SLC47A2: variants seen among roughly 807,000 people sequenced by gnomAD.
SLC47A2 encodes solute carrier family 47 member 2.
SLC47A2 carries 52 observed loss-of-function variants against 67.7 expected under a neutral mutation model. That is an observed-to-expected ratio of 0.77 (90% CI 0.61 to 0.97). The LOEUF (loss-of-function observed/expected upper bound fraction) is 0.97, where lower values mean the gene tolerates loss of function less well. SLC47A2 is among the 50% of genes least tolerant of loss of function. SLC47A2 has a pLI of 0.00. For synonymous variants in SLC47A2, 278 were observed against 292.9 expected (o/e 0.95, Z 0.52); for missense variants, 676 against 712.3 (o/e 0.95, Z 0.58).
chr17:19,696,457 T>A (rs942259065), intron 13 of SLC47A2, among the ~76,000 whole-genome samples: 944 of 88,290 alleles, frequency 0.011, 16 homozygotes, highest in African/African-American at 0.035. Context: ...CAAGACTCCA[T>A]CTCAAAAAAA....
intron 2 of SLC47A2, 132 bp from the exon 3 acceptor site, chr17:19,714,921 C>T (rs1218040493): frequency 1.5e-6 from 2 of 1,375,920 alleles, no homozygotes; most frequent in Middle Eastern, 1.8e-4. Flanking sequence ...GCTCAGCAGC[C>T]TCATGTGCTG....
chr17:19,698,678 G>A (rs1335287973), intron 13 of SLC47A2, among the ~76,000 whole-genome samples: 1 of 152,006 alleles, frequency 6.6e-6, no homozygotes, highest in African/African-American at 2.4e-5. Flanking sequence ...TTATGTCAGG[G>A]TTGATTAAAA....
chr17:19,709,073 T>C (rs2086027575), intron 5 of SLC47A2, among the ~76,000 whole-genome samples: 1 of 152,238 alleles, frequency 6.6e-6, no homozygotes, highest in Admixed American at 6.5e-5. Flanking sequence ...GCCTTCCGGC[T>C]GCTAAGCCAG....
chr17:19,691,714 AATTT>A (rs1473919675), intron 13 of SLC47A2, among the ~76,000 whole-genome samples: 3 of 152,236 alleles, frequency 2.0e-5, no homozygotes, highest in Non-Finnish European at 2.9e-5. Flanking sequence ...AGGCAACAAT[AATTT>A]ATTATACATT....
intron 5 of SLC47A2, among the ~76,000 whole-genome samples, chr17:19,709,103 G>A (rs951023628): frequency 6.6e-6 from 1 of 152,240 alleles, no homozygotes; most frequent in African/African-American, 2.4e-5. Flanking sequence ...AGCTTAGGAA[G>A]GTGAGAAGTG....
At chr17:19,682,265 C>T (rs891404259) in intron 13 of SLC47A2, among the ~76,000 whole-genome samples, 1 of 151,150 alleles carries the variant, frequency 6.6e-6, no homozygotes, top group African/African-American at 2.4e-5. Context: ...GGCTAAGGCA[C>T]GAGAATTGCT....
Position 19,708,317 on chromosome 17 carries a change from A to G in SLC47A2, c.614T>C (p.Leu205Pro). ...GVANYALVSV[L>P]NLGVRGSAYA... Reference sequence around the variant, plus strand: ...CCGGGCTCACCTGACCCCCAGGTTCAGCACAGAAACCAGGGCATAGTTGGC... The same window carrying G: ...CCGGGCTCACCTGACCCCCAGGTTCGGCACAGAAACCAGGGCATAGTTGGC... The change falls in exon 7 of 17, where the codon CTG (leucine) becomes CCG (proline). Residue 205 changes from leucine (L) to proline (P), a missense_variant. By Grantham distance (98) the Leu-to-Pro change is moderately conservative (BLOSUM62 -3). Transcript: ENST00000433844. The G allele has an allele frequency of 1.2e-6, 2 of 1,613,104 alleles. No homozygotes were observed. The highest frequency in any genetic ancestry group is 1.7e-6 in the Non-Finnish European group (2 of 1,180,008).
rs752670252 is a variant in SLC47A2, at chr17:19,678,775, G to C, written c.1612C>G (p.Leu538Val). 5 of 1,614,124 alleles carry C rather than the reference G, an allele frequency of 3.1e-6. No homozygotes were observed. The African/African-American group carries it at 6.7e-5, about 22-fold the overall frequency. The change falls in exon 17 of 17, where the codon CTG becomes GTG. Residue 538 changes from leucine to valine, a missense_variant. Leu to Val is a conservative substitution (Grantham distance 32). Transcript: ENST00000433844. ...AGAGCAGCCCCACGGCGGATGACCAGCTGTTTCACTGATAGTCTGCTGGTA... is the reference window on the plus strand; with the variant it reads ...AGAGCAGCCCCACGGCGGATGACCACCTGTTTCACTGATAGTCTGCTGGTA... ...APTSRLSVKQ[L>V]VIRRGAALGA...
chr17:19,678,830 A>G lies in SLC47A2; in HGVS notation c.1557T>C (p.Thr519=), dbSNP rs1046104797. 4 of 1,613,554 alleles carry G rather than the reference A, an allele frequency of 2.5e-6. No homozygotes were observed. Among genetic ancestry groups the G allele is most frequent in the Non-Finnish European group, 2.5e-6 (3 of 1,179,758 alleles). Residue 519 remains threonine, a synonymous_variant, in exon 17 of 17, where the codon ACT becomes ACC. Transcript: ENST00000433844. ...CTGAAAGGGCGTGGGCCTCCTCTGGAGTCCTGAAGAAGTCCACGTGGCACT... is the reference window on the plus strand; with the variant it reads ...CTGAAAGGGCGTGGGCCTCCTCTGGGGTCCTGAAGAAGTCCACGTGGCACT... ...RSECHVDFFR[T]PEEAHALSAP...
At chr17:19,688,866 CT>C (rs561794495) in intron 13 of SLC47A2, among the ~76,000 whole-genome samples, 2,840 of 137,874 alleles carry the variant, frequency 0.021, 57 homozygotes, top group African/African-American at 0.056. Flanking sequence ...CTGGTGATAT[CT>C]TTTTTTTTTT....
At position 19,685,308 on chromosome 17, in the gene SLC47A2, G is replaced by A. The variant is rs1017143618; in HGVS notation, c.1165-3638C>T. On this transcript the variant is annotated intron_variant, in intron 13 of 16. Transcript: ENST00000433844. This position sits in a 1 kb window ranked among gnomAD's most constrained non-coding sequence, Gnocchi z 4.5. ...CAGCGTCTCTGCTTGGCTGCCCATCGTCTGGGATGTGAGGAGCCCCTGTGC... is the reference window on the plus strand; with the variant it reads ...CAGCGTCTCTGCTTGGCTGCCCATCATCTGGGATGTGAGGAGCCCCTGTGC... Among the ~76,000 whole-genome samples the A allele has an allele frequency of 5.3e-5, 8 of 151,924 alleles. No individual in the cohort carries two copies. Among genetic ancestry groups the A allele is most frequent in the African/African-American group, 1.2e-4 (5 of 41,452 alleles).
intron 5 of SLC47A2, among the ~76,000 whole-genome samples, chr17:19,711,870 T>A (rs2086110587): frequency 6.6e-6 from 1 of 152,154 alleles, no homozygotes; most frequent in African/African-American, 2.4e-5. Context: ...ATCTTATTTA[T>A]AATAGTTCGT....
intron 5 of SLC47A2, among the ~76,000 whole-genome samples, 175 bp downstream of exon 5, chr17:19,712,528 T>C (rs1266136713): frequency 3.3e-5 from 5 of 152,228 alleles, no homozygotes; most frequent in Non-Finnish European, 5.9e-5. Flanking sequence ...CATGTTATAC[T>C]ATTTTTTTTA....
rs1339933748 is a variant in SLC47A2, at chr17:19,678,565, T to G, written c.*121A>C. On this transcript the variant is annotated 3_prime_UTR_variant, in exon 17 of 17. Transcript: ENST00000433844. ...AAGGAATCAGCCAAAGTTCTTTTTT[T>G]GAGGAGTGGTTCAAAGTGTCCACCT... 2 of 1,016,292 alleles carry G rather than the reference T, an allele frequency of 2.0e-6. No homozygotes were observed. The highest frequency in any genetic ancestry group is 3.2e-5 in the African/African-American group (2 of 62,276). The allele number at this position is 1,016,292 out of a possible 1,614,324, so 63.0% of individuals were successfully genotyped here. A position where few individuals can be genotyped will look rare whatever the true frequency, so the allele number is the denominator to read the frequency against.
At chr17:19,700,319 C>T (rs974353560) in intron 13 of SLC47A2, among the ~76,000 whole-genome samples, 1 of 151,972 alleles carries the variant, frequency 6.6e-6, no homozygotes, top group South Asian at 2.1e-4. Flanking sequence ...AAGAAAAAAC[C>T]GACTAGCCAG....
chr17:19,713,413 A>ATC (rs1555543134), intron 4 of SLC47A2, among the ~76,000 whole-genome samples: 2,163 of 147,766 alleles, frequency 0.015, 39 homozygotes, highest in African/African-American at 0.043. Flanking sequence ...TAATAATAAT[A>ATC]ATCATCATCA....
At chr17:19,683,993 A>C (rs770953287) in intron 13 of SLC47A2, among the ~76,000 whole-genome samples, 31 of 152,358 alleles carry the variant, frequency 2.0e-4, no homozygotes, top group Non-Finnish European at 4.0e-4. Context: ...CTTAACCAAC[A>C]CAATGACATT....
At position 19,704,166 on chromosome 17, in the gene SLC47A2, G is replaced by A. The variant is rs1232134084; in HGVS notation, c.922C>T (p.Leu308Phe). The A allele has an allele frequency of 1.9e-6, 3 of 1,606,744 alleles. No individual in the cohort carries two copies. In the East Asian group the frequency reaches 6.7e-5, roughly 36 times the overall value. The change falls in exon 11 of 17, where the codon CTC becomes TTC. Residue 308 changes from leucine (L) to phenylalanine (F), a missense_variant. Leu to Phe is a conservative substitution (Grantham distance 22). Transcript: ENST00000433844. ...ATVTYMIPLGLSIGVCVRVGM... is the reference protein window; with the variant it reads ...ATVTYMIPLGFSIGVCVRVGM... ...ACTCGGACACAGACCCCGATGCTGA[G>A]CCCCAAGGGAATCTGGGATCAAAGA...
intron 13 of SLC47A2, among the ~76,000 whole-genome samples, chr17:19,697,504 G>A (rs535134711): frequency 4.6e-5 from 7 of 152,184 alleles, no homozygotes; most frequent in South Asian, 2.1e-4. Context: ...TATGAACTTC[G>A]GAGGACACAT....
Sources: allele counts gnomAD v4.1 joint callset (sites outside exome capture counted in the v4.1 genomes callset), GRCh38; gene constraint gnomAD v4.1.1; non-coding constraint Gnocchi (gnomAD v3.1); transcripts MANE v1.5; gene names NCBI Gene and HGNC (gene_info 2026-07-23, HGNC 2026-07-21).